Variants in WDR7 observed in about 807,000 individuals in gnomAD.
WDR7 encodes the protein WD repeat domain 7.
In WDR7, 46 loss-of-function variants were observed where a neutral mutation model predicts 169.4. The ratio of observed to expected loss-of-function variants is 0.27; its 90% CI spans 0.21 to 0.35. The LOEUF is 0.35. Among genes scored for constraint, WDR7 ranks in the 10% least tolerant of loss-of-function variants. The probability of loss-of-function intolerance (pLI) is 1.00; values close to 1 mark genes in which losing one functional copy is unlikely to be tolerated. For missense variants in WDR7, 1,534 were observed against 1,859.3 expected, an observed-to-expected ratio of 0.83 and a Z score of 3.22; for synonymous variants, 612 against 666.8, an observed-to-expected ratio of 0.92 and a Z score of 1.27.
Position 56,939,317 on chromosome 18 carries a change from G to C in WDR7, c.3988G>C (p.Asp1330His). 1 of 1,520,808 alleles carries C rather than the reference G, an allele frequency of 6.6e-7. No homozygotes were observed. The highest frequency in any genetic ancestry group is 2.4e-5 in the East Asian group (1 of 41,486). 94.2% of individuals were successfully genotyped at this position (1,520,808 alleles called of 1,614,324 possible). A position where few individuals can be genotyped will look rare whatever the true frequency, so the allele number is the denominator to read the frequency against. The change falls in exon 25 of 28, where the codon GAC (aspartate) becomes CAC (histidine). Residue 1330 changes from aspartate (D) to histidine (H), a missense_variant. Physicochemically the swap from Asp to His is moderately conservative, Grantham distance 81. Transcript: ENST00000254442. Reference protein sequence around the residue: ...DVVDLLVEVMDIIMYCLEGSL... With the variant: ...DVVDLLVEVMHIIMYCLEGSL... ...CTGTTCTTTTCTGTCAAAGGTTATG[G>C]ACATCATTATGTACTGCCTTGAAGG...
In WDR7 at chr18:56,871,447, A is replaced by G. The variant is rs2045952261; in HGVS notation, c.3305-8497A>G. ...CTAGTCATTTATGTAAAGTCTTACA[A>G]AGTCACGGTTATTTTTAAAACTATG... On this transcript the variant is annotated intron_variant, in intron 20 of 27. Transcript: ENST00000254442. Among the ~76,000 whole-genome samples, 3 of 152,160 alleles carry G rather than the reference A, an allele frequency of 2.0e-5. No homozygotes were observed. The South Asian group carries it at 6.2e-4, about 31-fold the overall frequency.
At position 56,663,681 on chromosome 18, in the gene WDR7, A is replaced by G. The variant is rs1476923470; in HGVS notation, c.-19-8816A>G. Among the ~76,000 whole-genome samples the G allele has an allele frequency of 4.2e-5, 3 of 70,952 alleles. No homozygotes were observed. In the Admixed American group the frequency reaches 4.8e-4, roughly 11 times the overall value. The allele number at this position is 70,952 out of a possible 152,430, so 46.5% of individuals were successfully genotyped here. ...ATGCACAGCATATATACATATATAT[A>G]TGCACAGCATATATGTAGATATACC... On this transcript the variant is annotated intron_variant, in intron 1 of 27. Transcript: ENST00000254442.
intron 26 of WDR7, among the ~76,000 whole-genome samples, chr18:56,992,624 A>G (rs1787463): frequency 0.62 from 93,734 of 152,084 alleles, 29,462 homozygotes; most frequent in Middle Eastern, 0.73. Flanking sequence ...ATATAACGGT[A>G]ATGGAGAACT....
At chr18:56,903,176 G>C (rs1372312952) in intron 21 of WDR7, among the ~76,000 whole-genome samples, 1 of 152,094 alleles carries the variant, frequency 6.6e-6, no homozygotes, top group Admixed American at 6.5e-5. Context: ...ATCAACCGTT[G>C]AGGTTTTGCA....
chr18:56,693,958 C>T (rs186119106), intron 9 of WDR7, among the ~76,000 whole-genome samples: 3 of 151,940 alleles, frequency 2.0e-5, no homozygotes, highest in Non-Finnish European at 2.9e-5. Context: ...TAGCTTCAAA[C>T]TCCTGGACTC....
chr18:56,691,495 T>C (rs1365697394), intron 8 of WDR7, 134 bp downstream of exon 8: 2 of 1,133,412 alleles, frequency 1.8e-6, no homozygotes, highest in East Asian at 5.9e-5. Context: ...CTTCTTAAGT[T>C]AGATTTTTAA....
At chr18:56,994,813 T>C (rs2047875061) in intron 26 of WDR7, among the ~76,000 whole-genome samples, 1 of 152,192 alleles carries the variant, frequency 6.6e-6, no homozygotes, top group Admixed American at 6.5e-5. Context: ...TAGCTTCTCT[T>C]CATTCTAGCA....
At chr18:56,941,814 A>C (rs183537946) in intron 25 of WDR7, among the ~76,000 whole-genome samples, 10 of 152,238 alleles carry the variant, frequency 6.6e-5, no homozygotes, top group Non-Finnish European at 1.5e-5. Context: ...AGATGTGCCC[A>C]TTAGGTGAAC....
intron 1 of WDR7, among the ~76,000 whole-genome samples, chr18:56,661,211 T>G (rs2024897914): frequency 6.6e-6 from 1 of 151,906 alleles, no homozygotes; most frequent in Non-Finnish European, 1.5e-5. Flanking sequence ...GCAAATGAGA[T>G]TAGAGGTGGG....
intron 21 of WDR7, among the ~76,000 whole-genome samples, chr18:56,900,605 C>T (rs1247039306): frequency 1.3e-5 from 2 of 152,070 alleles, no homozygotes; most frequent in Non-Finnish European, 2.9e-5. Flanking sequence ...TGGGAGAGGC[C>T]CTCCTCCAAG....
At chr18:56,936,583 G>GT (rs2145691029) in intron 23 of WDR7, among the ~76,000 whole-genome samples, 1 of 152,238 alleles carries the variant, frequency 6.6e-6, no homozygotes, top group East Asian at 1.9e-4. Flanking sequence ...TGTCTGAGTT[G>GT]TTTTTCCTGT....
intron 26 of WDR7, among the ~76,000 whole-genome samples, chr18:57,014,370 C>G (rs902121558): frequency 4.0e-5 from 6 of 148,754 alleles, no homozygotes; most frequent in Admixed American, 6.8e-5. Flanking sequence ...AAAAGAAAGT[C>G]CACATCTTGA....
chr18:56,926,985 C>T (rs907112169), intron 22 of WDR7, among the ~76,000 whole-genome samples: 1 of 152,122 alleles, frequency 6.6e-6, no homozygotes, highest in East Asian at 1.9e-4. Flanking sequence ...TACACAGTAA[C>T]GGTGCTCAGC....
intron 2 of WDR7, 60 bp from the exon 3 acceptor site, chr18:56,679,272 T>A: frequency 7.1e-7 from 1 of 1,408,812 alleles, no homozygotes; most frequent in Non-Finnish European, 1.0e-6. Flanking sequence ...AAGCTGACAC[T>A]CAAATAGAAG....
At chr18:56,736,800 G>A (rs565240789) in intron 14 of WDR7, among the ~76,000 whole-genome samples, 48 of 152,102 alleles carry the variant, frequency 3.2e-4, no homozygotes, top group African/African-American at 1.1e-3. Flanking sequence ...AAAAAGAGGA[G>A]GGTAGTAGCT....
At chr18:56,934,292 G>T (rs117091277) in intron 22 of WDR7, among the ~76,000 whole-genome samples, 200 of 152,198 alleles carry the variant, frequency 1.3e-3, no homozygotes, top group Non-Finnish European at 2.4e-3. Context: ...TGAATTTGCA[G>T]TTAGCCAAGT....
At chr18:56,775,024 C>T (rs1227323925) in intron 16 of WDR7, among the ~76,000 whole-genome samples, 1 of 152,064 alleles carries the variant, frequency 6.6e-6, no homozygotes, top group East Asian at 1.9e-4. Flanking sequence ...CCTATTCTAG[C>T]ATTTCTGCCA....
downstream of WDR7, chr18:57,031,066 T>G (rs981728114): frequency 6.6e-6 from 1 of 152,180 alleles, no homozygotes. Context: ...TCTGTACACC[T>G]TTTGGCTACA....
chr18:56,677,414 A>ATCTC (rs1311804503), intron 2 of WDR7, among the ~76,000 whole-genome samples: 1 of 152,270 alleles, frequency 6.6e-6, no homozygotes, highest in East Asian at 1.9e-4. Flanking sequence ...CAGTGGCGTG[A>ATCTC]TCTCAACTTC....
Sources: gnomAD v4.1 joint callset for allele counts (sites outside exome capture counted in the v4.1 genomes callset) on GRCh38, gnomAD v4.1.1 for gene constraint, MANE v1.5 for transcripts, NCBI Gene and HGNC (gene_info 2026-07-23, HGNC 2026-07-21) for gene names.